Variants in SUFU observed in about 807,000 individuals in gnomAD.
SUFU encodes suppressor of fused homolog.
In SUFU, 7 loss-of-function variants were observed where a neutral mutation model predicts 58.9. The ratio of observed to expected loss-of-function variants is 0.12; its 90% CI spans 0.07 to 0.22. The LOEUF (loss-of-function observed/expected upper bound fraction) is 0.22, where lower values mean the gene tolerates loss of function less well. Among genes scored for constraint, SUFU ranks in the 10% least tolerant of loss-of-function variants. SUFU has a pLI of 1.00. For missense variants in SUFU, 451 were observed against 641.3 expected, an observed-to-expected ratio of 0.70 and a Z score of 3.20; for synonymous variants, 232 against 254.8, an observed-to-expected ratio of 0.91 and a Z score of 0.85.
chr10:102,600,902 C>T (rs2063510018), intron 8 of SUFU, among the ~76,000 whole-genome samples: 1 of 152,192 alleles, frequency 6.6e-6, no homozygotes, highest in African/African-American at 2.4e-5. Flanking sequence ...CCTGAAGTAG[C>T]TGGCTGGAGG....
intron 1 of SUFU, among the ~76,000 whole-genome samples, chr10:102,506,447 T>C (rs1255024633): frequency 6.6e-6 from 1 of 152,202 alleles, no homozygotes; most frequent in Non-Finnish European, 1.5e-5. Context: ...GGCACGATCT[T>C]GGCTTACTGC....
Position 102,556,571 on chromosome 10 carries a change from T to C in SUFU, c.454+6465T>C, listed in dbSNP as rs547841389. 1.7e-4 allele frequency among the ~76,000 whole-genome samples: 26 copies of C among 151,858 alleles called. No homozygotes were observed. In the East Asian group the frequency reaches 4.9e-3, roughly 28 times the overall value. ...TAGCCTGACCAACATGGAGAAACCG[T>C]GTCTCTACTAAAAACTCAAAAATTA... On this transcript the variant is annotated intron_variant, in intron 3 of 11. Coordinates refer to ENST00000369902, the MANE Select transcript of SUFU (RefSeq NM_016169.4).
intron 3 of SUFU, among the ~76,000 whole-genome samples, chr10:102,560,296 G>T (rs941970720): frequency 6.6e-6 from 1 of 152,130 alleles, no homozygotes; most frequent in African/African-American, 2.4e-5. Context: ...TTGACCAGGC[G>T]CAGTGGCTCA....
At chr10:102,515,008 G>A (rs943854810) in intron 2 of SUFU, among the ~76,000 whole-genome samples, 2 of 152,214 alleles carry the variant, frequency 1.3e-5, no homozygotes, top group Admixed American at 6.5e-5. Flanking sequence ...TCACCACCAT[G>A]GGTGATCTAG....
chr10:102,573,880 T>C (rs1310107529), intron 3 of SUFU, among the ~76,000 whole-genome samples: 1 of 151,858 alleles, frequency 6.6e-6, no homozygotes, highest in African/African-American at 2.4e-5. Flanking sequence ...TTGGGGAAGA[T>C]GAAAAAAAGT....
At chr10:102,627,501 C>A (rs2063796792) in intron 11 of SUFU, among the ~76,000 whole-genome samples, 2 of 152,246 alleles carry the variant, frequency 1.3e-5, no homozygotes, top group African/African-American at 4.8e-5. Context: ...GGACACCCAG[C>A]AAATCGTCTG....
intron 3 of SUFU, among the ~76,000 whole-genome samples, chr10:102,568,897 A>AAAATATATATATATATAT (rs2063125428): frequency 5.9e-5 from 1 of 17,032 alleles, no homozygotes; most frequent in South Asian, 1.9e-3. Context: ...AAAAAAAAAA[A>AAAATATATATATATATAT]ATATATATAT....
At chr10:102,518,144 T>C (rs950835733) in intron 2 of SUFU, among the ~76,000 whole-genome samples, 8 of 152,206 alleles carry the variant, frequency 5.3e-5, no homozygotes, top group African/African-American at 1.9e-4. Context: ...TTACTTTGTA[T>C]AAGGCACTTT....
Position 102,628,084 on chromosome 10 carries a change from T to G in SUFU, c.1365+841T>G, listed in dbSNP as rs1443757169. On this transcript the variant is annotated intron_variant, in intron 11 of 11. Coordinates refer to ENST00000369902, the MANE Select transcript of SUFU (RefSeq NM_016169.4). This position sits in a 1 kb window ranked among gnomAD's most constrained non-coding sequence, Gnocchi z 4.5. ...AGAGGCAGACCCTTCCCTTGTCCTG[T>G]CTGCCAGGAAATGTGCTTGGGGGAG... Among the ~76,000 whole-genome samples, 1 of 152,168 alleles carries G rather than the reference T, an allele frequency of 6.6e-6. No individual in the cohort carries two copies. Among genetic ancestry groups the G allele is most frequent in the African/African-American group, 2.4e-5 (1 of 41,444 alleles).
At chr10:102,555,308 T>A (rs1590024316) in intron 3 of SUFU, among the ~76,000 whole-genome samples, 1 of 145,238 alleles carries the variant, frequency 6.9e-6, no homozygotes, top group Admixed American at 6.9e-5. Context: ...TGGATCAAGA[T>A]GGACACCTTG....
intron 2 of SUFU, among the ~76,000 whole-genome samples, chr10:102,519,124 C>T (rs1371163777): frequency 1.7e-5 from 2 of 120,584 alleles, no homozygotes; most frequent in Non-Finnish European, 3.4e-5. Flanking sequence ...TGGGAGACAG[C>T]GAGACTCTGT....
chr10:102,549,738 G>C (rs2062891859), intron 2 of SUFU, among the ~76,000 whole-genome samples: 1 of 152,150 alleles, frequency 6.6e-6, no homozygotes, highest in Non-Finnish European at 1.5e-5. Context: ...AATTTGGCCA[G>C]GCCAAGGTCA....
intron 2 of SUFU, among the ~76,000 whole-genome samples, chr10:102,541,239 A>G (rs1467065182): frequency 6.6e-6 from 1 of 152,186 alleles, no homozygotes; most frequent in East Asian, 1.9e-4. Flanking sequence ...GTATATTCAA[A>G]TAAATGTTAC....
In SUFU at chr10:102,629,143, C is replaced by T. The variant is rs1353629692; in HGVS notation, c.1366-923C>T. On this transcript the variant is annotated intron_variant, in intron 11 of 11. Transcript: ENST00000369902. The surrounding 1 kb of genome is among the most constrained non-coding windows in gnomAD (Gnocchi z 4.7). ...TGCACTCCAGCCTGGGCAACAAGAGCGAAACTCCGTCTCAAAAGAAAAAGA... is the reference window on the plus strand; with the variant it reads ...TGCACTCCAGCCTGGGCAACAAGAGTGAAACTCCGTCTCAAAAGAAAAAGA... Among the ~76,000 whole-genome samples the T allele has an allele frequency of 1.3e-5, 2 of 152,074 alleles. No homozygotes were observed. Among genetic ancestry groups the T allele is most frequent in the South Asian group, 2.1e-4 (1 of 4,824 alleles).
chr10:102,539,120 A>AC lies in SUFU; in HGVS notation c.318-10850_318-10849insC, dbSNP rs935629417. Among the ~76,000 whole-genome samples, 16 of 152,368 alleles carry AC rather than the reference A, an allele frequency of 1.1e-4. No homozygotes were observed. The South Asian group carries it at 1.7e-3, about 16-fold the overall frequency. ...TTCTAAAGCCAGAAAAGTCCTGGGC[A>AC]AACAAGACAAGTTGGTCACCCTGCT... On this transcript the variant is annotated intron_variant, in intron 2 of 11. Transcript: ENST00000369902.
At chr10:102,610,630 G>A (rs978530792) in intron 8 of SUFU, among the ~76,000 whole-genome samples, 11 of 152,140 alleles carry the variant, frequency 7.2e-5, no homozygotes, top group Non-Finnish European at 4.4e-5. Context: ...ATGTCAGTCC[G>A]TCAGCCTGTC....
At chr10:102,518,106 T>C (rs1326358333) in intron 2 of SUFU, among the ~76,000 whole-genome samples, 2 of 152,244 alleles carry the variant, frequency 1.3e-5, no homozygotes, top group African/African-American at 4.8e-5. Flanking sequence ...TTTAAACATA[T>C]AATTATTATT....
rs1054160717 is a variant in SUFU at position 102,580,908 on chromosome 10, G to A, written c.455-11674G>A. Among the ~76,000 whole-genome samples the A allele has an allele frequency of 1.3e-4, 20 of 152,018 alleles. 1 individual carries two copies. The highest frequency in any genetic ancestry group is 1.3e-3 in the Admixed American group (20 of 15,262). On this transcript the variant is annotated intron_variant, in intron 3 of 11. Transcript: ENST00000369902. Reference sequence around the variant, plus strand: ...TCTAGAAATTAGGCTTGGGCTGGGCGTGGTGGCTCACACCTGTAATCCCAG... The same window carrying A: ...TCTAGAAATTAGGCTTGGGCTGGGCATGGTGGCTCACACCTGTAATCCCAG...
At chr10:102,564,668 A>G (rs749754593) in intron 3 of SUFU, among the ~76,000 whole-genome samples, 5 of 152,036 alleles carry the variant, frequency 3.3e-5, no homozygotes, top group South Asian at 2.1e-4. Flanking sequence ...TAAGCTGCCT[A>G]TTGCCCCAGT....
Sources: gnomAD v4.1 joint callset for allele counts (sites outside exome capture counted in the v4.1 genomes callset) on GRCh38, gnomAD v4.1.1 for gene constraint, Gnocchi (gnomAD v3.1) non-coding constraint, MANE v1.5 for transcripts, NCBI Gene and HGNC (gene_info 2026-07-23, HGNC 2026-07-21) for gene names.